The following MBIP variants were observed in gnomAD, a reference collection of about 807,000 sequenced individuals.
MBIP encodes the protein MAP3K12-binding inhibitory protein 1.
Under a neutral mutation model 45.7 loss-of-function variants are expected in MBIP, and 32 were observed. That is an observed-to-expected ratio of 0.70 (90% CI 0.53 to 0.94). The LOEUF (loss-of-function observed/expected upper bound fraction) is 0.94, where lower values mean the gene tolerates loss of function less well. Ranked by LOEUF, MBIP falls within the 40% of genes least tolerant of loss-of-function variation. The probability of loss-of-function intolerance (pLI) is 0.00; values close to 1 mark genes in which losing one functional copy is unlikely to be tolerated. For missense variants in MBIP, 381 were observed against 405.5 expected (o/e 0.94, Z 0.52); for synonymous variants, 145 against 141.0 (o/e 1.03, Z -0.20).
chr14:36,310,309 A>G (rs572966831), intron 6 of MBIP, among the ~76,000 whole-genome samples: 11 of 152,246 alleles, frequency 7.2e-5, no homozygotes, highest in African/African-American at 2.4e-4. Context: ...CTGGATTCAG[A>G]TATCTCCTGA....
At chr14:36,312,928 T>G (rs961657111) in intron 4 of MBIP, among the ~76,000 whole-genome samples, 1 of 150,314 alleles carries the variant, frequency 6.7e-6, no homozygotes, top group Non-Finnish European at 1.5e-5. Context: ...AATTATTTTT[T>G]CCCCCCTATG....
chr14:36,314,081 A>G lies in MBIP; in HGVS notation c.571+431T>C, dbSNP rs541407622. Reference sequence around the variant, plus strand: ...CACAGGACATTTCAAACAGCTCAGGAGTAGTGAGAAAACTGCTCCCTCTGG... The same window carrying G: ...CACAGGACATTTCAAACAGCTCAGGGGTAGTGAGAAAACTGCTCCCTCTGG... On this transcript the variant is annotated intron_variant, in intron 4 of 8. Coordinates refer to ENST00000416007, the MANE Select transcript of MBIP (RefSeq NM_016586.3). 91 of 155,850 alleles carry G rather than the reference A, an allele frequency of 5.8e-4. No homozygotes were observed. In the South Asian group the frequency reaches 0.018, roughly 30 times the overall value. 9.7% of individuals were successfully genotyped at this position (155,850 alleles called of 1,614,324 possible). A position where few individuals can be genotyped will look rare whatever the true frequency, so the allele number is the denominator to read the frequency against.
intron 7 of MBIP, among the ~76,000 whole-genome samples, chr14:36,305,998 C>G (rs528032908): frequency 5.9e-5 from 9 of 152,256 alleles, no homozygotes; most frequent in African/African-American, 1.9e-4. Context: ...TCTCGTTTGT[C>G]TCCCACAACT....
At chr14:36,308,877 G>A (rs1880040307) in intron 6 of MBIP, among the ~76,000 whole-genome samples, 1 of 152,116 alleles carries the variant, frequency 6.6e-6, no homozygotes, top group Non-Finnish European at 1.5e-5. Flanking sequence ...TTTCAACACA[G>A]GAGCCAGTGA....
chr14:36,311,549 G>A (rs1880205579), intron 6 of MBIP, 24 bp downstream of exon 6: 1 of 1,570,856 alleles, frequency 6.4e-7, no homozygotes, highest in Admixed American at 1.9e-5. Flanking sequence ...TTCATTATGA[G>A]GTGCCACTTA....
rs2139245594 is a variant in MBIP, at chr14:36,320,450, C to G, written c.129+10G>C. 4.3e-6 allele frequency: 7 copies of G among 1,614,078 alleles called. No individual in the cohort carries two copies. Among genetic ancestry groups the G allele is most frequent in the Non-Finnish European group, 5.1e-6 (6 of 1,180,022 alleles). On this transcript the variant is annotated intron_variant, in intron 1 of 8. Transcript: ENST00000416007. ...TTTCCATATTCCCAGTCCCTCAGGC[C>G]ACCTCTCACCTGTCCAACCAGGGTG... is the stretch of plus-strand genomic sequence containing the variant.
At chr14:36,300,719 T>A in intron 8 of MBIP, 66 bp downstream of exon 8, 1 of 1,218,744 alleles carries the variant, frequency 8.2e-7, no homozygotes, top group Admixed American at 2.6e-5. Context: ...GAAACTTTTA[T>A]TAATAAGAAA....
chr14:36,317,759 G>A (rs1412497639), intron 1 of MBIP, among the ~76,000 whole-genome samples: 3 of 151,998 alleles, frequency 2.0e-5, no homozygotes. Flanking sequence ...CTTCATAGTA[G>A]AATCAAGTTA....
At chr14:36,305,841 CTCTG>C (rs1261761057) in intron 7 of MBIP, among the ~76,000 whole-genome samples, 12 of 152,298 alleles carry the variant, frequency 7.9e-5, no homozygotes, top group South Asian at 2.1e-4. Flanking sequence ...TATCCTTGTT[CTCTG>C]TCTCTTTCCA....
rs1448098608 is a variant in MBIP at position 36,299,100 on chromosome 14, T to G, written c.1018A>C (p.Thr340Pro). 6.2e-7 allele frequency: 1 copy of G among 1,613,490 alleles called. No individual in the cohort carries two copies. ...GGAGTTTTTCATGGAAGGTGGTGGG[T>G]TGCCATGGATTCTGCTTCTCTTGAT... is the stretch of plus-strand genomic sequence containing the variant. ...RKSREAESMA[T>P]HHLP The change falls in exon 9 of 9, where the codon ACC (threonine) becomes CCC (proline). Residue 340 changes from threonine to proline, a missense_variant. Thr to Pro is a conservative substitution (Grantham distance 38). Coordinates refer to ENST00000416007, the MANE Select transcript of MBIP (RefSeq NM_016586.3).
rs199889169 is a variant in MBIP at position 36,320,428 on chromosome 14, C to T, written c.129+32G>A. The T allele has an allele frequency of 1.1e-5, 18 of 1,613,624 alleles. No individual in the cohort carries two copies. The Admixed American group carries it at 2.5e-4, about 22-fold the overall frequency. On this transcript the variant is annotated intron_variant, in intron 1 of 8. Coordinates refer to ENST00000416007, the MANE Select transcript of MBIP (RefSeq NM_016586.3). ...ATGGCGAGGAGGGACCGGATGGTTTCCATATTCCCAGTCCCTCAGGCCACC... is the reference window on the plus strand; with the variant it reads ...ATGGCGAGGAGGGACCGGATGGTTTTCATATTCCCAGTCCCTCAGGCCACC...
In MBIP at chr14:36,298,914, C is replaced by G. The variant is rs1437087901; in HGVS notation, c.*169G>C. The G allele has an allele frequency of 2.1e-6, 1 of 466,596 alleles. No individual in the cohort carries two copies. The highest frequency in any genetic ancestry group is 4.2e-5 in the South Asian group (1 of 23,604). 28.9% of individuals were successfully genotyped at this position (466,596 alleles called of 1,614,324 possible). ...TTTCAATGCATTCATTATTTCAAAACTTACTGGAATATTTGAAGATTACTT... is the reference window on the plus strand; with the variant it reads ...TTTCAATGCATTCATTATTTCAAAAGTTACTGGAATATTTGAAGATTACTT... On this transcript the variant is annotated 3_prime_UTR_variant, in exon 9 of 9. Coordinates refer to ENST00000416007, the MANE Select transcript of MBIP (RefSeq NM_016586.3).
rs1223627175 is a variant in MBIP at position 36,311,840 on chromosome 14, A to G, written c.638-115T>C. 7 of 1,158,232 alleles carry G rather than the reference A, an allele frequency of 6.0e-6. No individual in the cohort carries two copies. The African/African-American group carries it at 1.1e-4, about 18-fold the overall frequency. The allele number at this position is 1,158,232 out of a possible 1,614,324, so 71.7% of individuals were successfully genotyped here. A position where few individuals can be genotyped will look rare whatever the true frequency, so the allele number is the denominator to read the frequency against. ...AAAGACCATCTAACCACAAGTATGA[A>G]GGACGGCAAGATGTTTTTGTTTTAA... is the stretch of plus-strand genomic sequence containing the variant. On this transcript the variant is annotated intron_variant, in intron 5 of 8. Transcript: ENST00000416007.
chr14:36,311,341 G>T (rs1385489617), intron 6 of MBIP, among the ~76,000 whole-genome samples: 1 of 151,774 alleles, frequency 6.6e-6, no homozygotes, highest in Non-Finnish European at 1.5e-5. Flanking sequence ...TGTTTGCTTG[G>T]GCTCTTTAAA....
At chr14:36,300,640 A>AT (rs1382551366) in intron 8 of MBIP, 145 bp downstream of exon 8, 3 of 524,526 alleles carry the variant, frequency 5.7e-6, no homozygotes, top group African/African-American at 4.0e-5. Context: ...ATTCAACTGT[A>AT]TTAGTTTATA....
intron 6 of MBIP, among the ~76,000 whole-genome samples, chr14:36,310,943 G>A (rs1880162091): frequency 6.6e-6 from 1 of 152,152 alleles, no homozygotes; most frequent in Non-Finnish European, 1.5e-5. Context: ...AAAGCAATCT[G>A]GCCACAGGGT....
At chr14:36,312,151 A>T in intron 4 of MBIP, 127 bp from the exon 5 acceptor site, 1 of 488,166 alleles carries the variant, frequency 2.0e-6, no homozygotes, top group Non-Finnish European at 3.5e-6. Context: ...TAATAGTAAC[A>T]ATAAATTACT....
chr14:36,305,394 C>A (rs879486649), intron 7 of MBIP: 4 of 151,386 alleles, frequency 2.6e-5, no homozygotes, highest in Admixed American at 2.0e-4. Flanking sequence ...TCACTTACAA[C>A]ACTAATCCAG....
In MBIP at chr14:36,311,987, AG is replaced by A; in HGVS notation, c.608del (p.Pro203LeufsTer9). On this transcript the variant is annotated frameshift_variant, in exon 5 of 9. Coordinates refer to ENST00000416007, the MANE Select transcript of MBIP (RefSeq NM_016586.3). LOFTEE classifies it high-confidence loss of function. ...TTACGTGACTTTTAAATCCGGGGTAAGGGGTAAAAATCGCATCAGTTCTTGC... is the reference window on the plus strand; with the variant it reads ...TTACGTGACTTTTAAATCCGGGGTAAGGGTAAAAATCGCATCAGTTCTTGC... Reference protein sequence around the residue: ...SCARTDAIFTPYPGFKSHVKV... With the variant: ...SCARTDAIFTXYPGFKSHVKV... 2 of 1,597,336 alleles carry A rather than the reference AG, an allele frequency of 1.3e-6. No individual in the cohort carries two copies. Among genetic ancestry groups the A allele is most frequent in the Non-Finnish European group, 1.7e-6 (2 of 1,173,216 alleles).
Sources: allele counts gnomAD v4.1 joint callset (sites outside exome capture counted in the v4.1 genomes callset), GRCh38; gene constraint gnomAD v4.1.1; transcripts MANE v1.5; gene names NCBI Gene and HGNC (gene_info 2026-07-23, HGNC 2026-07-21).